Variants in IL1RAPL1 observed in about 807,000 individuals in gnomAD.
IL1RAPL1 encodes the protein interleukin-1 receptor accessory protein-like 1.
IL1RAPL1 carries 3 observed loss-of-function variants against 48.4 expected under a neutral mutation model. The observed-to-expected ratio is 0.06, with a 90% confidence interval of 0.03 to 0.16. The LOEUF (loss-of-function observed/expected upper bound fraction) is 0.16, where lower values mean the gene tolerates loss of function less well. Ranked by LOEUF, IL1RAPL1 falls within the 10% of genes least tolerant of loss-of-function variation. IL1RAPL1 has a pLI of 1.00. For synonymous variants in IL1RAPL1, 185 were observed against 187.7 expected, an observed-to-expected ratio of 0.99 and a Z score of 0.12; for missense variants, 349 against 530.6, an observed-to-expected ratio of 0.66 and a Z score of 3.36.
intron 2 of IL1RAPL1, among the ~76,000 whole-genome samples, chrX:28,906,738 TTTTCA>T (rs1184098881): frequency 8.9e-6 from 1 of 111,955 alleles, no homozygotes; most frequent in Non-Finnish European, 1.9e-5. Context: ...TCTTTCATTC[TTTTCA>T]TTTTTTTCAT....
chrX:28,873,356 C>T (rs1373972379), intron 2 of IL1RAPL1, among the ~76,000 whole-genome samples: 1 of 107,746 alleles, frequency 9.3e-6, no homozygotes, highest in Non-Finnish European at 1.9e-5. Context: ...GGTGATCCGA[C>T]CTCCTTGGCG....
chrX:29,319,809 CA>C (rs779158415), intron 3 of IL1RAPL1, among the ~76,000 whole-genome samples: 1 of 111,158 alleles, frequency 9.0e-6, no homozygotes, highest in African/African-American at 3.3e-5. Flanking sequence ...AGATTAATGA[CA>C]AATTCCTTTC....
rs372374957 is a variant in IL1RAPL1 at position 28,690,936 on chromosome X, A to G, written c.-24-98384A>G. On this transcript the variant is annotated intron_variant, in intron 1 of 10. Transcript: ENST00000378993. ...ATTCCACTGCTATCACCCTATTCCA[A>G]GCTCCTGCCTTCAACTGAATGATTG... 7.2e-5 allele frequency among the ~76,000 whole-genome samples: 8 copies of G among 111,043 alleles called. No individual in the cohort carries two copies. The South Asian group carries it at 2.3e-3, about 32-fold the overall frequency.
At chrX:28,924,558 G>A (rs1001425597) in intron 2 of IL1RAPL1, among the ~76,000 whole-genome samples, 35 of 111,573 alleles carry the variant, frequency 3.1e-4, no homozygotes, top group African/African-American at 9.8e-4. Context: ...GTACCCGGAG[G>A]ATCTTCACTA....
chrX:29,284,172 A>T (rs1449705899), intron 3 of IL1RAPL1, among the ~76,000 whole-genome samples: 1 of 111,985 alleles, frequency 8.9e-6, no homozygotes, highest in Non-Finnish European at 1.9e-5. Context: ...TTCAAATAAA[A>T]ATTTACCGCT....
intron 9 of IL1RAPL1, among the ~76,000 whole-genome samples, chrX:29,942,777 A>G (rs1195685792): frequency 3.6e-5 from 4 of 109,665 alleles, no homozygotes; most frequent in Non-Finnish European, 7.6e-5. Context: ...CCGTCATCAC[A>G]CCCAGCTAAT....
At chrX:29,559,434 C>T (rs749731760) in intron 5 of IL1RAPL1, among the ~76,000 whole-genome samples, 90 of 111,652 alleles carry the variant, frequency 8.1e-4, no homozygotes, top group African/African-American at 2.2e-3. Flanking sequence ...GGTAGAATTC[C>T]GCAGTGAAGC....
At chrX:29,871,373 A>G (rs143844187) in intron 6 of IL1RAPL1, among the ~76,000 whole-genome samples, 1,280 of 112,219 alleles carry the variant, frequency 0.011, 15 homozygotes, top group African/African-American at 0.038. Flanking sequence ...CCACAAAGAT[A>G]TTTTCTAAAC....
intron 5 of IL1RAPL1, among the ~76,000 whole-genome samples, chrX:29,561,747 C>T (rs1307790999): frequency 9.0e-6 from 1 of 111,214 alleles, no homozygotes; most frequent in African/African-American, 3.3e-5. Context: ...TGCGTTGGGA[C>T]CTCTCCCCTG....
intron 2 of IL1RAPL1, among the ~76,000 whole-genome samples, chrX:28,852,945 A>G (rs2147297877): frequency 9.0e-6 from 1 of 110,902 alleles, no homozygotes; most frequent in Admixed American, 9.6e-5. Flanking sequence ...GTACACTGAG[A>G]ACTCTTTATT....
intron 7 of IL1RAPL1, 88 bp from the exon 8 acceptor site, chrX:29,919,861 A>G (rs1932831845): frequency 1.1e-6 from 1 of 909,168 alleles, no homozygotes; most frequent in Non-Finnish European, 1.6e-6. Flanking sequence ...AGGTAGTTTT[A>G]CATCAGATTC....
intron 5 of IL1RAPL1, among the ~76,000 whole-genome samples, chrX:29,483,692 GTTT>G (rs34256964): frequency 8.0e-5 from 8 of 99,792 alleles, no homozygotes. Context: ...AGTAGTAGTA[GTTT>G]TTTTTTTTTT....
chrX:29,185,485 ATGCCAGTAAAGCACT>A (rs1199085776), intron 2 of IL1RAPL1, among the ~76,000 whole-genome samples: 1 of 112,124 alleles, frequency 8.9e-6, no homozygotes, highest in Non-Finnish European at 1.9e-5. Context: ...TCAAATGAAA[ATGCCAGTAAAGCACT>A]TACCGCAATG....
chrX:29,281,019 A>G (rs951986537), intron 2 of IL1RAPL1, among the ~76,000 whole-genome samples: 2 of 112,119 alleles, frequency 1.8e-5, no homozygotes, highest in African/African-American at 6.5e-5. Context: ...GTTAGATATA[A>G]TTTTAAGATA....
intron 2 of IL1RAPL1, among the ~76,000 whole-genome samples, chrX:29,124,494 C>T (rs1176203582): frequency 8.9e-6 from 1 of 112,464 alleles, no homozygotes; most frequent in Non-Finnish European, 1.9e-5. Context: ...TTACTCTAAT[C>T]ACTCTGTGGC....
chrX:29,703,829 C>T (rs1310521170), intron 6 of IL1RAPL1, among the ~76,000 whole-genome samples: 1 of 111,796 alleles, frequency 8.9e-6, no homozygotes. Flanking sequence ...TCATAAATAT[C>T]AGTCAAAAAT....
chrX:28,872,069 A>G (rs1922219918), intron 2 of IL1RAPL1, among the ~76,000 whole-genome samples: 2 of 111,961 alleles, frequency 1.8e-5, no homozygotes, highest in Non-Finnish European at 3.8e-5. Flanking sequence ...GTGTAGTGGC[A>G]TGACCATGGC....
chrX:29,870,843 G>T (rs1055172778), intron 6 of IL1RAPL1, among the ~76,000 whole-genome samples: 1 of 112,349 alleles, frequency 8.9e-6, no homozygotes, highest in Non-Finnish European at 1.9e-5. Context: ...TAAAAATATG[G>T]ACTGGAAACT....
In IL1RAPL1 at chrX:29,322,178, C is replaced by T. The variant is rs565307938; in HGVS notation, c.362+38961C>T. On this transcript the variant is annotated intron_variant, in intron 3 of 10. Coordinates refer to ENST00000378993, the MANE Select transcript of IL1RAPL1 (RefSeq NM_014271.4). ...TATTCCAAGTTCAACATCTTTCTTT[C>T]TCTTTTCTTTCTCTTTTTTTCTTTC... Among the ~76,000 whole-genome samples, 11 of 107,532 alleles carry T rather than the reference C, an allele frequency of 1.0e-4. No individual in the cohort carries two copies. The South Asian group carries it at 4.0e-3, about 39-fold the overall frequency. The allele number at this position is 107,532 out of a possible 115,157, so 93.4% of individuals were successfully genotyped here.
Sources: gnomAD v4.1 joint callset for allele counts (sites outside exome capture counted in the v4.1 genomes callset) on GRCh38, gnomAD v4.1.1 for gene constraint, MANE v1.5 for transcripts, NCBI Gene and HGNC (gene_info 2026-07-23, HGNC 2026-07-21) for gene names.